Variants in COLEC12 observed in about 807,000 individuals in gnomAD.
COLEC12 encodes collectin subfamily member 12.
In COLEC12, 33 loss-of-function variants were observed where a neutral mutation model predicts 71.1. That is an observed-to-expected ratio of 0.46 (90% CI 0.35 to 0.62). The LOEUF (loss-of-function observed/expected upper bound fraction) is 0.62, where lower values mean the gene tolerates loss of function less well. COLEC12 is among the 20% of genes least tolerant of loss of function. The probability of loss-of-function intolerance (pLI) is 0.00; values close to 1 mark genes in which losing one functional copy is unlikely to be tolerated. For synonymous variants in COLEC12, 350 were observed against 353.0 expected (o/e 0.99, Z 0.10); for missense variants, 765 against 916.1 (o/e 0.84, Z 2.13).
intron 9 of COLEC12, 91 bp from the exon 10 acceptor site, chr18:320,155 G>C: frequency 1.3e-6 from 1 of 750,932 alleles, no homozygotes; most frequent in South Asian, 1.6e-5. Flanking sequence ...ATTTTTATAG[G>C]ACAGTGTCTA....
intron 2 of COLEC12, among the ~76,000 whole-genome samples, chr18:465,350 A>G (rs1478818392): frequency 6.6e-6 from 1 of 152,100 alleles, no homozygotes; most frequent in Non-Finnish European, 1.5e-5. Context: ...TGATCCGCCC[A>G]CCCTGACTCC....
chr18:439,495 ATTC>A (rs1261035072), intron 2 of COLEC12, among the ~76,000 whole-genome samples: 2 of 54,784 alleles, frequency 3.7e-5, no homozygotes, highest in African/African-American at 8.1e-5. Context: ...AGAAGCAGAG[ATTC>A]TTTTTTTTTT....
rs560949616 is a variant in COLEC12 at position 337,248 on chromosome 18, A to T, written c.1328-2018T>A. Reference sequence around the variant, plus strand: ...TGGAGCAATGGAGGATGGATGGCAGATCTACCCTAAGTTCCTTTATCCCTC... The same window carrying T: ...TGGAGCAATGGAGGATGGATGGCAGTTCTACCCTAAGTTCCTTTATCCCTC... On this transcript the variant is annotated intron_variant, in intron 5 of 9. Coordinates refer to ENST00000400256, the MANE Select transcript of COLEC12 (RefSeq NM_130386.3). Among the ~76,000 whole-genome samples, 10 of 152,240 alleles carry T rather than the reference A, an allele frequency of 6.6e-5. No homozygotes were observed. The South Asian group carries it at 2.1e-3, about 32-fold the overall frequency.
At chr18:377,516 G>A (rs998509419) in intron 2 of COLEC12, among the ~76,000 whole-genome samples, 8 of 152,068 alleles carry the variant, frequency 5.3e-5, no homozygotes, top group African/African-American at 1.2e-4. Context: ...CACCTTTCTC[G>A]CCCCTTCCAG....
chr18:347,907 A>C (rs1297372284), intron 4 of COLEC12, among the ~76,000 whole-genome samples, 158 bp downstream of exon 4: 2 of 152,188 alleles, frequency 1.3e-5, no homozygotes, highest in Non-Finnish European at 2.9e-5. Context: ...TTAAAATTTA[A>C]GCATTTGAAT....
At chr18:455,542 A>C (rs1395523491) in intron 2 of COLEC12, among the ~76,000 whole-genome samples, 2 of 152,140 alleles carry the variant, frequency 1.3e-5, no homozygotes, top group Admixed American at 1.3e-4. Flanking sequence ...GGTTTGTTAC[A>C]TAGGTATACA....
At chr18:439,778 T>C (rs769679685) in intron 2 of COLEC12, among the ~76,000 whole-genome samples, 20 of 152,100 alleles carry the variant, frequency 1.3e-4, no homozygotes, top group Non-Finnish European at 2.5e-4. Flanking sequence ...GAAAATAATA[T>C]GAAGCATCTG....
chr18:322,096 C>T (rs1167259747), intron 8 of COLEC12, among the ~76,000 whole-genome samples: 1 of 152,070 alleles, frequency 6.6e-6, no homozygotes, highest in Non-Finnish European at 1.5e-5. Flanking sequence ...TGCTTTGGGA[C>T]AGTTAGATGA....
intron 2 of COLEC12, among the ~76,000 whole-genome samples, chr18:439,357 C>T (rs565629888): frequency 1.3e-5 from 2 of 152,148 alleles, no homozygotes; most frequent in East Asian, 3.9e-4. Context: ...AATGAATAAA[C>T]CAATGAACAA....
intron 2 of COLEC12, 55 bp from the exon 3 acceptor site, chr18:357,577 T>A (rs1376282621): frequency 7.0e-7 from 1 of 1,428,302 alleles, no homozygotes; most frequent in East Asian, 2.4e-5. Flanking sequence ...TTTTAAAATT[T>A]ATCTTTTTGC....
At chr18:337,122 C>T (rs1262705405) in intron 5 of COLEC12, among the ~76,000 whole-genome samples, 10 of 152,052 alleles carry the variant, frequency 6.6e-5, no homozygotes, top group African/African-American at 1.9e-4. Context: ...CCTCCCCCAT[C>T]GGACTCTCCA....
At chr18:396,143 CTTT>C (rs1246887147) in intron 2 of COLEC12, among the ~76,000 whole-genome samples, 6 of 152,184 alleles carry the variant, frequency 3.9e-5, no homozygotes, top group Non-Finnish European at 7.3e-5. Flanking sequence ...ACAAAGAACC[CTTT>C]CCTTCTTTGC....
At chr18:398,486 C>T (rs113351518) in intron 2 of COLEC12, among the ~76,000 whole-genome samples, 1,737 of 152,304 alleles carry the variant, frequency 0.011, 39 homozygotes, top group African/African-American at 0.04. Context: ...AGCTGCTTCT[C>T]CAATGCTTGA....
In COLEC12 at chr18:500,121, G is replaced by A. The variant is rs1917790895; in HGVS notation, c.7+387C>T. ...CTAGAGGCGGGAGGAGAGAGGACTG[G>A]GCGAGCGTGGGGAGCGCTGCGGCGT... On this transcript the variant is annotated intron_variant, in intron 1 of 9. Transcript: ENST00000400256. The surrounding 1 kb of genome is among the most constrained non-coding windows in gnomAD (Gnocchi z 5.3). 1.3e-5 allele frequency among the ~76,000 whole-genome samples: 2 copies of A among 152,336 alleles called. No homozygotes were observed. The highest frequency in any genetic ancestry group is 4.1e-4 in the South Asian group (2 of 4,820).
rs115452620 is a variant in COLEC12 at position 452,362 on chromosome 18, T to C, written c.58+28345A>G. Among the ~76,000 whole-genome samples the C allele has an allele frequency of 4.9e-3, 750 of 152,308 alleles. 5 individuals carry two copies. Among genetic ancestry groups the C allele is most frequent in the African/African-American group, 0.017 (704 of 41,570 alleles). On this transcript the variant is annotated intron_variant, in intron 2 of 9. Coordinates refer to ENST00000400256, the MANE Select transcript of COLEC12 (RefSeq NM_130386.3). ...ACTGATAAAATGGGATACTTTCTTA[T>C]AGCGCTATAGTAAGAATTAATTGAG... is the stretch of plus-strand genomic sequence containing the variant.
chr18:382,098 A>T (rs763539068), intron 2 of COLEC12, among the ~76,000 whole-genome samples: 9 of 152,190 alleles, frequency 5.9e-5, no homozygotes, highest in Non-Finnish European at 1.2e-4. Context: ...GCGGAGTTGG[A>T]ACAGTATTTT....
intron 3 of COLEC12, among the ~76,000 whole-genome samples, chr18:352,561 A>G (rs1914546921): frequency 6.6e-6 from 1 of 152,200 alleles, no homozygotes; most frequent in Non-Finnish European, 1.5e-5. Context: ...GCAAAAGGAA[A>G]CTATTTTCCC....
At chr18:465,118 GTTTTT>G (rs1286969842) in intron 2 of COLEC12, among the ~76,000 whole-genome samples, 3 of 152,144 alleles carry the variant, frequency 2.0e-5, no homozygotes, top group African/African-American at 7.2e-5. Flanking sequence ...GTTTTGTTTT[GTTTTT>G]GAGAAAGGGT....
At chr18:392,106 G>A (rs906532325) in intron 2 of COLEC12, among the ~76,000 whole-genome samples, 9 of 152,160 alleles carry the variant, frequency 5.9e-5, no homozygotes, top group Admixed American at 1.3e-4. Context: ...CTGTCTCTCC[G>A]TGAACAAAGA....
Sources: gnomAD v4.1 joint callset for allele counts (sites outside exome capture counted in the v4.1 genomes callset) on GRCh38, gnomAD v4.1.1 for gene constraint, Gnocchi (gnomAD v3.1) non-coding constraint, MANE v1.5 for transcripts, NCBI Gene and HGNC (gene_info 2026-07-23, HGNC 2026-07-21) for gene names.